Variants in SH3BP1 observed in about 807,000 individuals in gnomAD.
SH3BP1 encodes SH3 domain binding protein 1.
In SH3BP1, 46 loss-of-function variants were observed where a neutral mutation model predicts 69.8. The observed-to-expected ratio is 0.66, with a 90% confidence interval of 0.52 to 0.84. The LOEUF is 0.84. Among genes scored for constraint, SH3BP1 ranks in the 40% least tolerant of loss-of-function variants. The pLI, the probability that SH3BP1 is intolerant of heterozygous loss-of-function variation, is 0.00. For synonymous variants in SH3BP1, 403 were observed against 378.0 expected (o/e 1.07, Z -0.77); for missense variants, 868 against 930.9 (o/e 0.93, Z 0.88).
intron 16 of SH3BP1, 135 bp downstream of exon 16, chr22:37,650,860 CT>C: frequency 8.1e-7 from 1 of 1,227,604 alleles, no homozygotes; most frequent in Non-Finnish European, 1.1e-6. Flanking sequence ...ACCGGATCTC[CT>C]AGTTTGGAGA....
At chr22:37,654,007 C>T in intron 17 of SH3BP1, 134 bp downstream of exon 17, 1 of 653,410 alleles carries the variant, frequency 1.5e-6, no homozygotes, top group South Asian at 1.9e-5. Context: ...CCAGGTCTTG[C>T]CACCTGGCAC....
rs537347995 is a variant in SH3BP1, at chr22:37,644,720, G to A, written c.687+15G>A. 1.6e-4 allele frequency: 255 copies of A among 1,614,114 alleles called. 3 individuals carry two copies. In the South Asian group the frequency reaches 2.0e-3, roughly 13 times the overall value. ...ACTTCATTCGTGTGAGTCCAAGACC[G>A]GGCCCCAGCCATCCAGAGTTCAGGG... On this transcript the variant is annotated intron_variant, in intron 8 of 17. Coordinates refer to ENST00000649765, the MANE Select transcript of SH3BP1 (RefSeq NM_018957.6).
rs1932772846 is a variant in SH3BP1, at chr22:37,645,611, T to C, written c.924+101T>C. On this transcript the variant is annotated intron_variant, in intron 10 of 17. Transcript: ENST00000649765. ...TTCCGGGTGCCTGTAATTCCCTCAT[T>C]CGAGCCCAGCTCCCTGGGAGAAGAC... is the stretch of plus-strand genomic sequence containing the variant. The C allele has an allele frequency of 5.2e-6, 7 of 1,352,442 alleles. No homozygotes were observed. The East Asian group carries it at 1.7e-4, about 32-fold the overall frequency. 83.8% of individuals were successfully genotyped at this position (1,352,442 alleles called of 1,614,324 possible). A position where few individuals can be genotyped will look rare whatever the true frequency, so the allele number is the denominator to read the frequency against.
chr22:37,653,883 C>T lies in SH3BP1; in HGVS notation c.1693+10C>T, dbSNP rs1448969641. The T allele has an allele frequency of 3.9e-6, 4 of 1,013,686 alleles. No homozygotes were observed. The highest frequency in any genetic ancestry group is 9.6e-5 in the East Asian group (2 of 20,748). 62.8% of individuals were successfully genotyped at this position (1,013,686 alleles called of 1,614,324 possible). ...GACATGGCTCGGAGGAGTGAGTTGG[C>T]TGTGGGAGGGGAGGAGGGGACAGAG... On this transcript the variant is annotated intron_variant, in intron 17 of 17. Transcript: ENST00000649765.
chr22:37,645,571 C>T lies in SH3BP1; in HGVS notation c.924+61C>T, dbSNP rs375965523. ...GGGGCCCTCATTCTGTCCCAAACCG[C>T]CCACTTGCTGCCCTTTCCGGGTGCC... is the stretch of plus-strand genomic sequence containing the variant. On this transcript the variant is annotated intron_variant, in intron 10 of 17. Transcript: ENST00000649765. 7 of 1,541,180 alleles carry T rather than the reference C, an allele frequency of 4.5e-6. No individual in the cohort carries two copies. The African/African-American group carries it at 6.8e-5, about 15-fold the overall frequency.
chr22:37,650,637 G>C lies in SH3BP1; in HGVS notation c.1510G>C (p.Val504Leu). The change falls in exon 16 of 18, where the codon GTG becomes CTG. Residue 504 changes from valine (V) to leucine (L), a missense_variant. By Grantham distance (32) the Val-to-Leu change is conservative. Around this residue, in one of 3 missense-constraint regions of SH3BP1, gnomAD observed 474 missense variants for 462.3 expected, o/e 1.03. Coordinates refer to ENST00000649765, the MANE Select transcript of SH3BP1 (RefSeq NM_018957.6). ...LASEELPSTA[V>L]PTPATTPAPA... ...CTCTGAGGAACTTCCGTCCACTGCC[G>C]TGCCCACCCCAGCCACCACCCCGGC... is the stretch of plus-strand genomic sequence containing the variant. 6.2e-7 allele frequency: 1 copy of C among 1,613,854 alleles called. No homozygotes were observed. The highest frequency in any genetic ancestry group is 1.1e-5 in the South Asian group (1 of 91,078).
chr22:37,650,786 G>A (rs1162757464), intron 16 of SH3BP1, 61 bp downstream of exon 16: 43 of 1,504,622 alleles, frequency 2.9e-5, no homozygotes, highest in East Asian at 2.6e-4. Context: ...TGCCTGAGGC[G>A]CCATGTCTCA....
At chr22:37,652,962 C>T (rs1932912863) in intron 16 of SH3BP1, among the ~76,000 whole-genome samples, 1 of 151,400 alleles carries the variant, frequency 6.6e-6, no homozygotes, top group Admixed American at 6.6e-5. Context: ...ATGGTGAAAC[C>T]CCATCTCTAC....
intron 1 of SH3BP1, 94 bp from the exon 2 acceptor site, chr22:37,641,032 G>C (rs986856993): frequency 2.3e-6 from 2 of 867,130 alleles, no homozygotes; most frequent in African/African-American, 3.3e-5. Context: ...CTGGGGTCCA[G>C]GTGCCCTGCT....
chr22:37,651,573 G>A (rs941910526), intron 16 of SH3BP1, among the ~76,000 whole-genome samples: 5 of 151,898 alleles, frequency 3.3e-5, no homozygotes, highest in African/African-American at 1.2e-4. Context: ...CAAGCGATCC[G>A]CCTGCCTCAG....
chr22:37,644,538 G>C lies in SH3BP1; in HGVS notation c.619-99G>C. ...TGGCTGGGACCTTCCACCTGCAGTT[G>C]TGTGGCCTGGGGGAGGTCACCAACC... On this transcript the variant is annotated intron_variant, in intron 7 of 17. Transcript: ENST00000649765. 7 of 1,150,368 alleles carry C rather than the reference G, an allele frequency of 6.1e-6. No individual in the cohort carries two copies. In the Middle Eastern group the frequency reaches 8.1e-4, roughly 133 times the overall value. The allele number at this position is 1,150,368 out of a possible 1,614,324, so 71.3% of individuals were successfully genotyped here.
At chr22:37,641,078 C>A (rs879489939) in intron 1 of SH3BP1, 48 bp from the exon 2 acceptor site, 4 of 1,304,754 alleles carry the variant, frequency 3.1e-6, no homozygotes, top group Non-Finnish European at 3.2e-6. Context: ...CTAACCCAGG[C>A]AGGCTCAGCA....
intron 16 of SH3BP1, among the ~76,000 whole-genome samples, chr22:37,651,918 A>G (rs371317751): frequency 3.3e-5 from 5 of 152,036 alleles, no homozygotes; most frequent in African/African-American, 1.2e-4. Flanking sequence ...GGGCCAGGAA[A>G]GACCTCGCTA....
Position 37,642,939 on chromosome 22 carries a change from G to T in SH3BP1, c.329G>T (p.Arg110Leu), listed in dbSNP as rs752231031. The change falls in exon 5 of 18, where the codon CGC becomes CTC. Residue 110 changes from arginine (R) to leucine (L), a missense_variant. Physicochemically the swap from Arg to Leu is moderately radical, Grantham distance 102. Around this residue, in one of 3 missense-constraint regions of SH3BP1, gnomAD observed 387 missense variants for 447.9 expected, o/e 0.86. Coordinates refer to ENST00000649765, the MANE Select transcript of SH3BP1 (RefSeq NM_018957.6). ...TGTGCCATCCAGAATCAGCTGGCCCGCATCCTGGCCGAGTTTGAGATGACC... is the reference window on the plus strand; with the variant it reads ...TGTGCCATCCAGAATCAGCTGGCCCTCATCCTGGCCGAGTTTGAGATGACC... ...MSCAIQNQLA[R>L]ILAEFEMTLE... 1 of 1,612,672 alleles carries T rather than the reference G, an allele frequency of 6.2e-7. No homozygotes were observed. Among genetic ancestry groups the T allele is most frequent in the African/African-American group, 1.3e-5 (1 of 74,872 alleles).
intron 17 of SH3BP1, among the ~76,000 whole-genome samples, chr22:37,654,675 G>A (rs1932967789): frequency 6.6e-6 from 1 of 152,210 alleles, no homozygotes; most frequent in Non-Finnish European, 1.5e-5. Context: ...ACACTCACCT[G>A]TCAGTTTGGC....
chr22:37,641,021 A>C, intron 1 of SH3BP1, 105 bp from the exon 2 acceptor site: 1 of 791,674 alleles, frequency 1.3e-6, no homozygotes. Context: ...CAGTGGAAGC[A>C]CTGGGGTCCA....
In SH3BP1 at chr22:37,655,332, C is replaced by G. The variant is rs1472343716; in HGVS notation, c.1754C>G (p.Ser585Cys). 1 of 1,509,794 alleles carries G rather than the reference C, an allele frequency of 6.6e-7. No homozygotes were observed. Among genetic ancestry groups the G allele is most frequent in the Admixed American group, 1.9e-5 (1 of 52,550 alleles). The allele number at this position is 1,509,794 out of a possible 1,614,324, so 93.5% of individuals were successfully genotyped here. ...MPPPQVSGSR[S>C]SPPAPPLPPG... ...CCCCCCCAGGTCTCCGGCTCCCGCT[C>G]CTCCCCTCCAGCCCCGCCCTTGCCC... Residue 585 changes from serine (S) to cysteine (C), a missense_variant, in exon 18 of 18, where the codon TCC (serine) becomes TGC (cysteine). By Grantham distance (112) the Ser-to-Cys change is moderately radical. This residue lies in a region of SH3BP1 where 474 missense variants were observed against 462.3 expected (regional missense o/e 1.03). Transcript: ENST00000649765.
intron 7 of SH3BP1, 62 bp from the exon 8 acceptor site, chr22:37,644,575 C>A: frequency 6.5e-7 from 1 of 1,537,704 alleles, no homozygotes; most frequent in South Asian, 1.1e-5. Flanking sequence ...TTCCAAGCCT[C>A]CTCTTCCCCT....
chr22:37,642,461 C>T (rs1932631706), intron 3 of SH3BP1, 78 bp from the exon 4 acceptor site: 4 of 1,486,082 alleles, frequency 2.7e-6, no homozygotes, highest in Admixed American at 3.4e-5. Context: ...TCCTCCCCTG[C>T]CCCAAGGGGC....
Sources: allele counts gnomAD v4.1 joint callset (sites outside exome capture counted in the v4.1 genomes callset), GRCh38; gene constraint gnomAD v4.1.1; regional missense constraint gnomAD v4.1.1; transcripts MANE v1.5; gene names NCBI Gene and HGNC (gene_info 2026-07-23, HGNC 2026-07-21).